The following CACNA1G variants were observed in gnomAD, a reference collection of about 807,000 sequenced individuals.
CACNA1G encodes the protein voltage-dependent T-type calcium channel subunit alpha-1G.
CACNA1G carries 67 observed loss-of-function variants against 219.4 expected under a neutral mutation model. The ratio of observed to expected loss-of-function variants is 0.31; its 90% CI spans 0.25 to 0.37. The LOEUF is 0.37. Ranked by LOEUF, CACNA1G falls within the 10% of genes least tolerant of loss-of-function variation. The pLI, the probability that CACNA1G is intolerant of heterozygous loss-of-function variation, is 1.00. For missense variants in CACNA1G, 2,380 were observed against 3,231.4 expected, an observed-to-expected ratio of 0.74 and a Z score of 6.39; for synonymous variants, 1,296 against 1,345.3, an observed-to-expected ratio of 0.96 and a Z score of 0.80.
Position 50,600,698 on chromosome 17 carries a change from T to G in CACNA1G, c.3691-28T>G. Reference sequence around the variant, plus strand: ...GCCGGGGAACCTGGAGGCCTGGTCCTGCTCATACTCCAGTGTTTGTTCTGC... The same window carrying G: ...GCCGGGGAACCTGGAGGCCTGGTCCGGCTCATACTCCAGTGTTTGTTCTGC... On this transcript the variant is annotated intron_variant, in intron 17 of 37. Coordinates refer to ENST00000359106, the MANE Select transcript of CACNA1G (RefSeq NM_018896.5). The surrounding 1 kb of genome is among the most constrained non-coding windows in gnomAD (Gnocchi z 4.1). The G allele has an allele frequency of 6.2e-7, 1 of 1,601,648 alleles. No homozygotes were observed. The highest frequency in any genetic ancestry group is 8.6e-7 in the Non-Finnish European group (1 of 1,168,860).
At chr17:50,623,091 C>CTTTT (rs35688516) in intron 35 of CACNA1G, among the ~76,000 whole-genome samples, 1,127 of 79,410 alleles carry the variant, frequency 0.014, 68 homozygotes, top group African/African-American at 0.057. Flanking sequence ...CTGCTGTTGG[C>CTTTT]TTTTTTTTTT....
chr17:50,600,578 T>TAGGAATAA lies in CACNA1G; in HGVS notation c.3691-142_3691-135dup. 1.5e-6 allele frequency: 1 copy of TAGGAATAA among 670,536 alleles called. No individual in the cohort carries two copies. Among genetic ancestry groups the TAGGAATAA allele is most frequent in the Non-Finnish European group, 2.7e-6 (1 of 376,522 alleles). The allele number at this position is 670,536 out of a possible 1,614,324, so 41.5% of individuals were successfully genotyped here. A position where few individuals can be genotyped will look rare whatever the true frequency, so the allele number is the denominator to read the frequency against. ...TGACAGGGAGATGAGGAGGTGGCTT[T>TAGGAATAA]AGGAATAAAGGAAGAGAGGCAGGGC... On this transcript the variant is annotated intron_variant, in intron 17 of 37. Coordinates refer to ENST00000359106, the MANE Select transcript of CACNA1G (RefSeq NM_018896.5). This position sits in a 1 kb window ranked among gnomAD's most constrained non-coding sequence, Gnocchi z 4.1.
Position 50,626,630 on chromosome 17 carries a change from G to A in CACNA1G, c.7013G>A (p.Ser2338Asn). Residue 2338 changes from serine to asparagine, a missense_variant, in exon 38 of 38, where the codon AGC becomes AAC. Transcript: ENST00000359106. The surrounding 1 kb of genome is among the most constrained non-coding windows in gnomAD (Gnocchi z 4.3). ...TGCCTCCGGAGGAGGGCTCCGTCCA[G>A]CGACTCCAAGGATCCCTTGGCCTCT... ...GICLRRRAPS[S>N]DSKDPLASGP... 6.2e-7 allele frequency: 1 copy of A among 1,612,676 alleles called. No homozygotes were observed. The highest frequency in any genetic ancestry group is 8.5e-7 in the Non-Finnish European group (1 of 1,179,772).
At chr17:50,604,498 C>T (rs7216910) in intron 22 of CACNA1G, among the ~76,000 whole-genome samples, 4 of 152,316 alleles carry the variant, frequency 2.6e-5, no homozygotes, top group African/African-American at 7.2e-5. Flanking sequence ...CCGGGGCTGC[C>T]GAGAGGCTTC....
chr17:50,619,086 C>G (rs1000463277), intron 33 of CACNA1G, 78 bp downstream of exon 33: 1 of 1,158,920 alleles, frequency 8.6e-7, no homozygotes, highest in African/African-American at 1.6e-5. Flanking sequence ...GGGAGCCAAG[C>G]GGGCAGCACA....
At chr17:50,582,734 G>A (rs2042218140) in intron 9 of CACNA1G, among the ~76,000 whole-genome samples, 1 of 152,038 alleles carries the variant, frequency 6.6e-6, no homozygotes, top group African/African-American at 2.4e-5. Flanking sequence ...ACAGGTGCTA[G>A]TCTAATGTTC....
chr17:50,598,381 A>T (rs1219293963), intron 16 of CACNA1G, among the ~76,000 whole-genome samples: 1 of 152,218 alleles, frequency 6.6e-6, no homozygotes, highest in Admixed American at 6.5e-5. Flanking sequence ...GATTCCATAT[A>T]TTGGCTATTG....
At position 50,626,632 on chromosome 17, in the gene CACNA1G, G is replaced by A. The variant is rs750368272; in HGVS notation, c.7015G>A (p.Asp2339Asn). The A allele has an allele frequency of 3.7e-6, 6 of 1,612,436 alleles. No individual in the cohort carries two copies. The highest frequency in any genetic ancestry group is 2.2e-5 in the South Asian group (2 of 91,048). Residue 2339 changes from aspartate (D) to asparagine (N), a missense_variant, in exon 38 of 38, where the codon GAC (aspartate) becomes AAC (asparagine). Asp to Asn is a conservative substitution (Grantham distance 23, BLOSUM62 1). Transcript: ENST00000359106. This position sits in a 1 kb window ranked among gnomAD's most constrained non-coding sequence, Gnocchi z 4.3. ...ICLRRRAPSS[D>N]SKDPLASGPP... is the part of the protein sequence containing the mutation. ...CCTCCGGAGGAGGGCTCCGTCCAGC[G>A]ACTCCAAGGATCCCTTGGCCTCTGG...
chr17:50,620,601 G>A (rs958118718), intron 34 of CACNA1G, among the ~76,000 whole-genome samples: 1 of 152,214 alleles, frequency 6.6e-6, no homozygotes, highest in Admixed American at 6.5e-5. Flanking sequence ...CCACCTAGGT[G>A]AGAGGCTGCA....
In CACNA1G at chr17:50,600,974, C is replaced by T. The variant is rs1262518148; in HGVS notation, c.3792-77C>T. On this transcript the variant is annotated intron_variant, in intron 18 of 37. Coordinates refer to ENST00000359106, the MANE Select transcript of CACNA1G (RefSeq NM_018896.5). The surrounding 1 kb of genome is among the most constrained non-coding windows in gnomAD (Gnocchi z 4.1). ...CTCAGCTGGGAGGGCACTGGAGGGG[C>T]AGGGGCTGCGGGCGGTGCCTCTCGT... 1.9e-6 allele frequency: 3 copies of T among 1,592,184 alleles called. No individual in the cohort carries two copies. In the East Asian group the frequency reaches 6.7e-5, roughly 36 times the overall value.
rs2051045677 is a variant in CACNA1G, at chr17:50,618,510, G to A, written c.5428-145G>A. The A allele has an allele frequency of 1.9e-6, 2 of 1,069,806 alleles. No homozygotes were observed. Among genetic ancestry groups the A allele is most frequent in the Non-Finnish European group, 1.4e-6 (1 of 722,990 alleles). 66.3% of individuals were successfully genotyped at this position (1,069,806 alleles called of 1,614,324 possible). A position where few individuals can be genotyped will look rare whatever the true frequency, so the allele number is the denominator to read the frequency against. ...CAGGAACATGCTCTGACTCACACTTGTAGTGCTCCTCTGCCCCCAAACACT... is the reference window on the plus strand; with the variant it reads ...CAGGAACATGCTCTGACTCACACTTATAGTGCTCCTCTGCCCCCAAACACT... On this transcript the variant is annotated intron_variant, in intron 32 of 37. Coordinates refer to ENST00000359106, the MANE Select transcript of CACNA1G (RefSeq NM_018896.5). The surrounding 1 kb of genome is among the most constrained non-coding windows in gnomAD (Gnocchi z 5.3).
chr17:50,573,081 T>A lies in CACNA1G; in HGVS notation c.1108T>A (p.Tyr370Asn). ...MYFVMDAHSF[Y>N]NFIYFILLII... ...CTTTGTGATGGATGCTCATTCCTTC[T>A]ACAATTTCATCTACTTCATCCTCCT... Residue 370 changes from tyrosine to asparagine, a missense_variant, in exon 7 of 38, where the codon TAC (tyrosine) becomes AAC (asparagine). Tyr to Asn is a moderately radical substitution (Grantham distance 143). Around this residue, in one of 17 missense-constraint regions of CACNA1G, gnomAD observed 72 missense variants for 175.8 expected, o/e 0.41. Transcript: ENST00000359106. 6.3e-7 allele frequency: 1 copy of A among 1,575,944 alleles called. No individual in the cohort carries two copies. Among genetic ancestry groups the A allele is most frequent in the Non-Finnish European group, 8.6e-7 (1 of 1,159,606 alleles).
chr17:50,591,326 C>G, intron 10 of CACNA1G, 109 bp from the exon 11 acceptor site: 3 of 1,135,422 alleles, frequency 2.6e-6, no homozygotes, highest in Non-Finnish European at 3.6e-6. Flanking sequence ...CCCATTTTCT[C>G]TCGACGTGCC....
intron 9 of CACNA1G, among the ~76,000 whole-genome samples, chr17:50,589,912 C>CTGTGTGTGTGTGTGTG (rs58484176): frequency 2.1e-5 from 3 of 141,836 alleles, no homozygotes; most frequent in African/African-American, 8.5e-5. Flanking sequence ...CTCTCTCTCT[C>CTGTGTGTGTGTGTGTG]TGTGTGTGTG....
At chr17:50,561,768 G>A (rs554456607) in intron 1 of CACNA1G, 67 bp downstream of exon 1, 12 of 1,435,924 alleles carry the variant, frequency 8.4e-6, no homozygotes, top group Admixed American at 4.6e-5. Context: ...GCCGGGGGTC[G>A]GGGGGGAAGA....
At chr17:50,582,592 C>A (rs2042186237) in intron 9 of CACNA1G, among the ~76,000 whole-genome samples, 1 of 152,162 alleles carries the variant, frequency 6.6e-6, no homozygotes, top group South Asian at 2.1e-4. Context: ...GTTGCCTTCT[C>A]TTCTGTGTCC....
intron 7 of CACNA1G, 122 bp from the exon 8 acceptor site, chr17:50,575,421 A>G (rs1037852621): frequency 2.9e-6 from 3 of 1,030,806 alleles, no homozygotes; most frequent in East Asian, 5.3e-5. Context: ...ATAAAATGAG[A>G]TAATGCTTGG....
At position 50,604,697 on chromosome 17, in the gene CACNA1G, C is replaced by T. The variant is rs543293297; in HGVS notation, c.4296+416C>T. ...GGTTAGCAGCGTGCTGGCAGGCAGG[C>T]GGGTGCAGACCCCAGACGAGGCAGG... On this transcript the variant is annotated intron_variant, in intron 22 of 37. Transcript: ENST00000359106. Among the ~76,000 whole-genome samples, 16 of 152,326 alleles carry T rather than the reference C, an allele frequency of 1.1e-4. No individual in the cohort carries two copies. In the East Asian group the frequency reaches 1.2e-3, roughly 11 times the overall value.
rs753296906 is a variant in CACNA1G, at chr17:50,591,877, G to A, written c.2754+24G>A. 34 of 1,613,168 alleles carry A rather than the reference G, an allele frequency of 2.1e-5. No homozygotes were observed. In the South Asian group the frequency reaches 2.6e-4, roughly 13 times the overall value. Reference sequence around the variant, plus strand: ...AGGTGCGAGGGTAACAGGGCAGGGCGTGGACAGGGGCCGTCAGGTGCCCCT... The same window carrying A: ...AGGTGCGAGGGTAACAGGGCAGGGCATGGACAGGGGCCGTCAGGTGCCCCT... On this transcript the variant is annotated intron_variant, in intron 12 of 37. Transcript: ENST00000359106.
Sources: allele counts gnomAD v4.1 joint callset (sites outside exome capture counted in the v4.1 genomes callset), GRCh38; gene constraint gnomAD v4.1.1; regional missense constraint gnomAD v4.1.1; non-coding constraint Gnocchi (gnomAD v3.1); transcripts MANE v1.5; gene names NCBI Gene and HGNC (gene_info 2026-07-23, HGNC 2026-07-21).